ST6GALNAC5: variants seen among roughly 807,000 people sequenced by gnomAD.
The protein encoded by ST6GALNAC5 is ST6 N-acetylgalactosaminide alpha-2,6-sialyltransferase 5, also known as alpha-N-acetylgalactosaminide alpha-2,6-sialyltransferase 5.
Under a neutral mutation model 33.6 loss-of-function variants are expected in ST6GALNAC5, and 27 were observed. The observed-to-expected ratio is 0.80, with a 90% CI of 0.59 to 1.11. The LOEUF is 1.11. Ranked by LOEUF, ST6GALNAC5 falls within the 50% of genes least tolerant of loss-of-function variation. The pLI, the probability that ST6GALNAC5 is intolerant of heterozygous loss-of-function variation, is 0.00. For synonymous variants in ST6GALNAC5, 194 were observed against 171.2 expected, an observed-to-expected ratio of 1.13 and a Z score of -1.04; for missense variants, 428 against 454.0, an observed-to-expected ratio of 0.94 and a Z score of 0.52.
intron 2 of ST6GALNAC5, among the ~76,000 whole-genome samples, chr1:76,962,612 G>A (rs1648284374): frequency 6.6e-6 from 1 of 152,196 alleles, no homozygotes; most frequent in African/African-American, 2.4e-5. Flanking sequence ...TGCTATGTGA[G>A]AAGAAACACT....
intron 2 of ST6GALNAC5, among the ~76,000 whole-genome samples, chr1:77,026,789 TTCTG>T (rs951638790): frequency 2.1e-5 from 3 of 142,816 alleles, no homozygotes; most frequent in African/African-American, 8.0e-5. Flanking sequence ...AAAGAACACT[TTCTG>T]AATGAATGAA....
At chr1:76,999,968 T>C (rs1259739651) in intron 2 of ST6GALNAC5, among the ~76,000 whole-genome samples, 22 of 110,334 alleles carry the variant, frequency 2.0e-4, no homozygotes, top group African/African-American at 6.0e-4. Flanking sequence ...CATGTGTCTT[T>C]ATAGCAGCAT....
At chr1:77,000,939 T>C (rs1279677788) in intron 2 of ST6GALNAC5, among the ~76,000 whole-genome samples, 3 of 151,882 alleles carry the variant, frequency 2.0e-5, no homozygotes, top group Non-Finnish European at 2.9e-5. Flanking sequence ...GCCTCCAGCT[T>C]TGTTCTTTTG....
At chr1:76,915,789 C>G (rs1646965748) in intron 2 of ST6GALNAC5, among the ~76,000 whole-genome samples, 2 of 150,754 alleles carry the variant, frequency 1.3e-5, no homozygotes, top group South Asian at 4.2e-4. Context: ...CACATGTATA[C>G]ATAGGTAAGT....
intron 2 of ST6GALNAC5, among the ~76,000 whole-genome samples, chr1:76,875,736 C>T (rs1374887749): frequency 6.6e-6 from 1 of 152,144 alleles, no homozygotes; most frequent in Non-Finnish European, 1.5e-5. Context: ...TGGACCCGTG[C>T]ATCCTGGCTA....
rs1648544676 is a variant in ST6GALNAC5 at position 76,967,467 on chromosome 1, C to T, written c.262-76737C>T. On this transcript the variant is annotated intron_variant, in intron 2 of 4. Coordinates refer to ENST00000477717, the MANE Select transcript of ST6GALNAC5 (RefSeq NM_030965.3). ...TCATTTTTATTGCATCTATTTGATTCTTCTCTCTTCTTCTTTAGCAGTCTT... is the reference window on the plus strand; with the variant it reads ...TCATTTTTATTGCATCTATTTGATTTTTCTCTCTTCTTCTTTAGCAGTCTT... Among the ~76,000 whole-genome samples, 3 of 152,100 alleles carry T rather than the reference C, an allele frequency of 2.0e-5. No individual in the cohort carries two copies. The East Asian group carries it at 5.8e-4, about 29-fold the overall frequency.
At chr1:77,031,062 C>T (rs1049292094) in intron 2 of ST6GALNAC5, among the ~76,000 whole-genome samples, 1 of 152,178 alleles carries the variant, frequency 6.6e-6, no homozygotes, top group African/African-American at 2.4e-5. Context: ...TTCACTGCTA[C>T]AGAGTAAACC....
intron 2 of ST6GALNAC5, among the ~76,000 whole-genome samples, chr1:76,892,297 T>A (rs752818791): frequency 6.6e-6 from 1 of 152,232 alleles, no homozygotes; most frequent in African/African-American, 2.4e-5. Flanking sequence ...CTTGATGTTG[T>A]TTCAAAAGGT....
rs554008059 is a variant in ST6GALNAC5, at chr1:76,977,479, C to T, written c.262-66725C>T. Among the ~76,000 whole-genome samples, 9 of 152,298 alleles carry T rather than the reference C, an allele frequency of 5.9e-5. No homozygotes were observed. In the East Asian group the frequency reaches 1.5e-3, roughly 26 times the overall value. Reference sequence around the variant, plus strand: ...TCTCCCCGTCGTGCTATCCCCTACACCTACCTTCCCCAGCCTCTGATAACC... The same window carrying T: ...TCTCCCCGTCGTGCTATCCCCTACATCTACCTTCCCCAGCCTCTGATAACC... On this transcript the variant is annotated intron_variant, in intron 2 of 4. Transcript: ENST00000477717.
At chr1:76,882,542 T>A (rs74092206) in intron 2 of ST6GALNAC5, among the ~76,000 whole-genome samples, 4,723 of 152,276 alleles carry the variant, frequency 0.031, 236 homozygotes, top group African/African-American at 0.11. Flanking sequence ...GCTACAGCTC[T>A]TGAAAAGGAA....
intron 2 of ST6GALNAC5, among the ~76,000 whole-genome samples, chr1:76,896,656 C>A (rs1220943177): frequency 1.3e-5 from 2 of 151,944 alleles, no homozygotes; most frequent in African/African-American, 4.8e-5. Context: ...TGTGGGAGGC[C>A]AGATTGAAGT....
chr1:76,985,458 G>A (rs1206246587), intron 2 of ST6GALNAC5, among the ~76,000 whole-genome samples: 1 of 152,172 alleles, frequency 6.6e-6, no homozygotes, highest in African/African-American at 2.4e-5. Flanking sequence ...TACAAGGGAT[G>A]TGAAGGACCT....
chr1:76,879,998 T>G (rs559279513), intron 2 of ST6GALNAC5, among the ~76,000 whole-genome samples: 47 of 152,296 alleles, frequency 3.1e-4, no homozygotes, highest in African/African-American at 1.1e-3. Context: ...CTACGGGAGA[T>G]AAGACTCTCA....
chr1:76,943,481 A>C (rs1217816861), intron 2 of ST6GALNAC5, among the ~76,000 whole-genome samples: 1 of 152,098 alleles, frequency 6.6e-6, no homozygotes, highest in Non-Finnish European at 1.5e-5. Context: ...ATAATTGTAG[A>C]AGAGAGGGAA....
intron 2 of ST6GALNAC5, among the ~76,000 whole-genome samples, chr1:76,974,353 G>A (rs1648907766): frequency 6.6e-6 from 1 of 151,570 alleles, no homozygotes; most frequent in Non-Finnish European, 1.5e-5. Flanking sequence ...TTATAGACAT[G>A]CATCACCACA....
chr1:77,035,958 A>G (rs192172800), intron 2 of ST6GALNAC5, among the ~76,000 whole-genome samples: 2 of 152,384 alleles, frequency 1.3e-5, no homozygotes, highest in Non-Finnish European at 2.9e-5. Context: ...TTGTATGTGA[A>G]TGTTTATAAT....
intron 2 of ST6GALNAC5, among the ~76,000 whole-genome samples, chr1:76,969,382 G>T (rs1246395133): frequency 6.6e-6 from 1 of 152,168 alleles, no homozygotes; most frequent in Non-Finnish European, 1.5e-5. Flanking sequence ...TATATCCCAT[G>T]CCGGGTTCAG....
chr1:76,869,127 A>G lies in ST6GALNAC5; in HGVS notation c.261+385A>G, dbSNP rs1187268018. Reference sequence around the variant, plus strand: ...TGGGGTTGGCGCGGGTACCAGCCTGAGCGTTCCTCTGACCCGGAACCGGAG... The same window carrying G: ...TGGGGTTGGCGCGGGTACCAGCCTGGGCGTTCCTCTGACCCGGAACCGGAG... On this transcript the variant is annotated intron_variant, in intron 2 of 4. Transcript: ENST00000477717. The G allele has an allele frequency of 1.5e-5, 3 of 202,334 alleles. No homozygotes were observed. In the East Asian group the frequency reaches 4.4e-4, roughly 30 times the overall value. 12.5% of individuals were successfully genotyped at this position (202,334 alleles called of 1,614,324 possible). A position where few individuals can be genotyped will look rare whatever the true frequency, so the allele number is the denominator to read the frequency against.
intron 2 of ST6GALNAC5, among the ~76,000 whole-genome samples, chr1:76,998,983 A>G (rs1267298372): frequency 1.3e-5 from 2 of 152,176 alleles, no homozygotes; most frequent in Non-Finnish European, 2.9e-5. Context: ...TATTACTAAG[A>G]TCTGGTGACT....
Sources: allele counts gnomAD v4.1 joint callset (sites outside exome capture counted in the v4.1 genomes callset), GRCh38; gene constraint gnomAD v4.1.1; transcripts MANE v1.5; gene names NCBI Gene and HGNC (gene_info 2026-07-23, HGNC 2026-07-21).